R3HDM1: variants seen among roughly 807,000 people sequenced by gnomAD.
The protein encoded by R3HDM1 is R3H domain-containing protein 1.
Under a neutral mutation model 141.1 loss-of-function variants are expected in R3HDM1, and 46 were observed. That is an observed-to-expected ratio of 0.33 (90% CI 0.26 to 0.42). The LOEUF is 0.42. Ranked by LOEUF, R3HDM1 falls within the 10% of genes least tolerant of loss-of-function variation. The pLI, the probability that R3HDM1 is intolerant of heterozygous loss-of-function variation, is 1.00. For synonymous variants in R3HDM1, 435 were observed against 472.9 expected (o/e 0.92, Z 1.04); for missense variants, 1,184 against 1,368.3 (o/e 0.87, Z 2.12).
At chr2:135,636,696 C>G (rs2063287083) in intron 11 of R3HDM1, among the ~76,000 whole-genome samples, 1 of 151,252 alleles carries the variant, frequency 6.6e-6, no homozygotes, top group African/African-American at 2.4e-5. Context: ...TGCATATATG[C>G]CAGAAGAGAA....
At chr2:135,702,044 C>A (rs759134211) in intron 21 of R3HDM1, among the ~76,000 whole-genome samples, 48 of 152,014 alleles carry the variant, frequency 3.2e-4, no homozygotes, top group Admixed American at 6.6e-5. Flanking sequence ...ATTTTCATCA[C>A]CCTCAGAAAG....
chr2:135,710,043 A>T lies in R3HDM1; in HGVS notation c.2564-16A>T, dbSNP rs1303726240. 6.2e-7 allele frequency: 1 copy of T among 1,611,284 alleles called. No individual in the cohort carries two copies. The highest frequency in any genetic ancestry group is 1.7e-5 in the Admixed American group (1 of 59,720). ...TAAAATATTCTGACTATAGCATCCT[A>T]AATTCTGATTTTCAGCTGGACCACC... is the stretch of plus-strand genomic sequence containing the variant. On this transcript the variant is annotated splice_polypyrimidine_tract_variant and intron_variant, in intron 22 of 26. Coordinates refer to ENST00000683871, the MANE Select transcript of R3HDM1 (RefSeq NM_001378107.1).
rs1559418760 is a variant in R3HDM1, at chr2:135,680,308, CA to C, written c.2445del (p.Gln815HisfsTer5). ...PVYYSVIPPG[Q>X]QNNLSSSVGY... ...TTACTATAGTGTCATTCCACCTGGT[CA>C]ACAAAACAATTTAAGGTGAGTATGA... On this transcript the variant is annotated frameshift_variant, in exon 21 of 27. Transcript: ENST00000683871. LOFTEE classifies it high-confidence loss of function. 1 of 1,613,956 alleles carries C rather than the reference CA, an allele frequency of 6.2e-7. No individual in the cohort carries two copies. The highest frequency in any genetic ancestry group is 8.5e-7 in the Non-Finnish European group (1 of 1,179,944).
At chr2:135,654,146 C>T (rs2065483059) in intron 18 of R3HDM1, among the ~76,000 whole-genome samples, 1 of 152,046 alleles carries the variant, frequency 6.6e-6, no homozygotes, top group Non-Finnish European at 1.5e-5. Context: ...TTTCCCAGCC[C>T]CTGGCAACCA....
intron 1 of R3HDM1, among the ~76,000 whole-genome samples, chr2:135,592,944 G>A (rs1709650700): frequency 1.3e-5 from 2 of 151,650 alleles, no homozygotes; most frequent in Admixed American, 1.3e-4. Flanking sequence ...TTTTGAGATG[G>A]AGTCTCACTT....
intron 21 of R3HDM1, among the ~76,000 whole-genome samples, chr2:135,680,709 G>A (rs899756052): frequency 6.6e-6 from 1 of 152,214 alleles, no homozygotes; most frequent in Non-Finnish European, 1.5e-5. Context: ...GGCAGAGGTT[G>A]TAGTGAACCA....
At chr2:135,570,073 T>C (rs1478001615) in intron 1 of R3HDM1, among the ~76,000 whole-genome samples, 1 of 152,216 alleles carries the variant, frequency 6.6e-6, no homozygotes, top group African/African-American at 2.4e-5. Flanking sequence ...GTTGTTTTCA[T>C]TCAAGAATTA....
intron 21 of R3HDM1, among the ~76,000 whole-genome samples, chr2:135,708,387 C>T (rs752134203): frequency 1.3e-5 from 2 of 152,174 alleles, no homozygotes; most frequent in Non-Finnish European, 2.9e-5. Flanking sequence ...AACATGTCTT[C>T]CTGTATTCTC....
chr2:135,626,209 G>GTGTGTGCTTGCTTGCTTGCTTGCT (rs1553576638), intron 7 of R3HDM1, among the ~76,000 whole-genome samples: 5,950 of 143,338 alleles, frequency 0.042, 229 homozygotes, highest in South Asian at 0.15. Context: ...GCGTGCGTGC[G>GTGTGTGCTTGCTTGCTTGCTTGCT]TGCTTGCTTG....
chr2:135,619,596 ACTT>A (rs2061364447), intron 5 of R3HDM1: 1 of 235,534 alleles, frequency 4.2e-6, no homozygotes, highest in Non-Finnish European at 6.9e-6. Flanking sequence ...AATAAAAGAT[ACTT>A]CTTCTAGTAG....
At chr2:135,706,928 G>A (rs1468993122) in intron 21 of R3HDM1, among the ~76,000 whole-genome samples, 4 of 152,004 alleles carry the variant, frequency 2.6e-5, no homozygotes, top group Non-Finnish European at 5.9e-5. Context: ...CGGGCAGAGG[G>A]GCTCCTCACT....
chr2:135,538,937 G>T (rs1384767121), intron 1 of R3HDM1, among the ~76,000 whole-genome samples: 2 of 151,998 alleles, frequency 1.3e-5, no homozygotes, highest in Admixed American at 1.3e-4. Flanking sequence ...TGTTGTTGTT[G>T]TTGTTGTTGT....
At chr2:135,669,544 G>A in intron 19 of R3HDM1, 4 of 985,208 alleles carry the variant, frequency 4.1e-6, no homozygotes, top group African/African-American at 1.7e-5. Flanking sequence ...ATGAAGCAAG[G>A]CCAGGTTCTG....
chr2:135,702,069 A>G (rs1246965573), intron 21 of R3HDM1, among the ~76,000 whole-genome samples: 3 of 152,136 alleles, frequency 2.0e-5, no homozygotes, highest in Non-Finnish European at 2.9e-5. Flanking sequence ...CCTGAGGTGG[A>G]AGCAACTCAA....
chr2:135,647,440 AT>A (rs2064595562), intron 16 of R3HDM1, among the ~76,000 whole-genome samples: 1 of 152,202 alleles, frequency 6.6e-6, no homozygotes, highest in African/African-American at 2.4e-5. Context: ...TTTATCTGTG[AT>A]TATATATTTC....
intron 17 of R3HDM1, chr2:135,651,089 C>G: frequency 1.0e-6 from 1 of 985,226 alleles, no homozygotes; most frequent in Non-Finnish European, 1.2e-6. Context: ...TTAGTAAAAG[C>G]ATAGGAAACT....
intron 18 of R3HDM1, among the ~76,000 whole-genome samples, chr2:135,660,677 C>A (rs1223938478): frequency 6.6e-6 from 1 of 151,972 alleles, no homozygotes; most frequent in Non-Finnish European, 1.5e-5. Context: ...GAAACCCCAT[C>A]TCTACTGAAA....
chr2:135,647,833 G>A lies in R3HDM1; in HGVS notation c.1624-2069G>A, dbSNP rs149804213. Among the ~76,000 whole-genome samples, 61 of 152,326 alleles carry A rather than the reference G, an allele frequency of 4.0e-4. No homozygotes were observed. In the East Asian group the frequency reaches 0.012, roughly 29 times the overall value. ...TGTTTTGCAGCCAGTTGCAATTCAA[G>A]TAGGAAAAGGATGTGCTAAGGCTCT... On this transcript the variant is annotated intron_variant, in intron 16 of 26. Coordinates refer to ENST00000683871, the MANE Select transcript of R3HDM1 (RefSeq NM_001378107.1).
chr2:135,676,382 G>A (rs62168799), intron 20 of R3HDM1, among the ~76,000 whole-genome samples: 1 of 152,266 alleles, frequency 6.6e-6, no homozygotes, highest in African/African-American at 2.4e-5. Context: ...ATTATTTGAT[G>A]AATAAGCACG....
Sources: gnomAD v4.1 joint callset for allele counts (sites outside exome capture counted in the v4.1 genomes callset) on GRCh38, gnomAD v4.1.1 for gene constraint, MANE v1.5 for transcripts, NCBI Gene and HGNC (gene_info 2026-07-23, HGNC 2026-07-21) for gene names.